GIN1: variants seen among roughly 807,000 people sequenced by gnomAD.
The protein encoded by GIN1 is gypsy retrotransposon integrase 1, also known as gypsy retrotransposon integrase-like protein 1.
GIN1 carries 41 observed loss-of-function variants against 51.4 expected under a neutral mutation model. The observed-to-expected ratio is 0.80, with a 90% CI of 0.62 to 1.04. The LOEUF (loss-of-function observed/expected upper bound fraction) is 1.04. Among genes scored for constraint, GIN1 ranks in the 50% least tolerant of loss-of-function variants. The pLI is 0.00. For missense variants in GIN1, 610 were observed against 612.4 expected (o/e 1.00, Z 0.04); for synonymous variants, 222 against 206.5 (o/e 1.07, Z -0.64).
chr5:103,117,581 TAC>T (rs3836841), intron 1 of GIN1, among the ~76,000 whole-genome samples: 9 of 149,454 alleles, frequency 6.0e-5, no homozygotes, highest in South Asian at 2.1e-4. Flanking sequence ...GAAAAAAATA[TAC>T]ACACACACAC....
At position 103,088,071 on chromosome 5, in the gene GIN1, C is replaced by T; in HGVS notation, c.1396G>A (p.Asp466Asn). 6.2e-7 allele frequency: 1 copy of T among 1,610,478 alleles called. No individual in the cohort carries two copies. The highest frequency in any genetic ancestry group is 8.5e-7 in the Non-Finnish European group (1 of 1,176,884). The change falls in exon 8 of 8, where the codon GAT becomes AAT. Residue 466 changes from aspartate to asparagine, a missense_variant. Asp to Asn is a conservative substitution (Grantham distance 23). Coordinates refer to ENST00000399004, the MANE Select transcript of GIN1 (RefSeq NM_017676.2). Reference sequence around the variant, plus strand: ...TTATCGACTATACCAATAGTTGCATCTTCCACCAGAATATTTGCTTGATAT... The same window carrying T: ...TTATCGACTATACCAATAGTTGCATTTTCCACCAGAATATTTGCTTGATAT... The part of the protein sequence containing the change: ...GAYQANILVE[D>N]ATIGIVDNEL...
At chr5:103,116,115 T>C (rs1788024076) in intron 1 of GIN1, among the ~76,000 whole-genome samples, 1 of 152,126 alleles carries the variant, frequency 6.6e-6, no homozygotes, top group Non-Finnish European at 1.5e-5. Context: ...TCAAGCTCTT[T>C]TGCAGAAACT....
chr5:103,108,668 G>GT lies in GIN1; in HGVS notation c.39dup (p.Gln14ThrfsTer10), dbSNP rs782812789. On this transcript the variant is annotated frameshift_variant, in exon 2 of 8. Coordinates refer to ENST00000399004, the MANE Select transcript of GIN1 (RefSeq NM_017676.2). LOFTEE classifies it high-confidence loss of function. ...CCAGTTCGTTTGTAATATGCAATCT[G>GT]TTTAAGATGAAGGTCACCATTTTTT... 6.2e-7 allele frequency: 1 copy of GT among 1,603,666 alleles called. No homozygotes were observed. Among genetic ancestry groups the GT allele is most frequent in the Admixed American group, 1.7e-5 (1 of 59,676 alleles).
At chr5:103,108,437 G>T in intron 2 of GIN1, 132 bp downstream of exon 2, 1 of 612,004 alleles carries the variant, frequency 1.6e-6, no homozygotes, top group South Asian at 2.3e-5. Context: ...GCTTTTGATT[G>T]AGTGGCATCA....
chr5:103,086,554 C>T lies in GIN1; in HGVS notation c.*1344G>A, dbSNP rs1198806124. 6.6e-6 allele frequency: 1 copy of T among 152,184 alleles called. No homozygotes were observed. Among genetic ancestry groups the T allele is most frequent in the Non-Finnish European group, 1.5e-5 (1 of 68,022 alleles). 9.4% of individuals were successfully genotyped at this position (152,184 alleles called of 1,614,324 possible). Reference sequence around the variant, plus strand: ...AATACTTTTCCATTTCTGTGTATTACTTCTCCCCTAATTCTTTTGTATCCA... The same window carrying T: ...AATACTTTTCCATTTCTGTGTATTATTTCTCCCCTAATTCTTTTGTATCCA... On this transcript the variant is annotated 3_prime_UTR_variant, in exon 8 of 8. Transcript: ENST00000399004.
chr5:103,097,624 G>C lies in GIN1; in HGVS notation c.797C>G (p.Ser266Ter), dbSNP rs1787443074. The C allele has an allele frequency of 1.2e-6, 2 of 1,611,518 alleles. No individual in the cohort carries two copies. Among genetic ancestry groups the C allele is most frequent in the African/African-American group, 2.7e-5 (2 of 74,986 alleles). Residue 266 changes from serine to a stop codon, truncating the protein, a stop_gained, in exon 5 of 8, where the codon TCA (serine) becomes TGA (stop). Coordinates refer to ENST00000399004, the MANE Select transcript of GIN1 (RefSeq NM_017676.2). LOFTEE classifies it high-confidence loss of function. Reference protein sequence around the residue: ...DHPNNWDDHLSAVSFAFNVTH... With the variant: ...DHPNNWDDHL ...TACATTGAAGGCAAATGAAACAGCT[G>C]ATAGGTGATCATCCCAATTGTTTGG...
intron 7 of GIN1, among the ~76,000 whole-genome samples, chr5:103,090,938 T>TA (rs2151461061): frequency 6.6e-6 from 1 of 151,828 alleles, no homozygotes; most frequent in South Asian, 2.1e-4. Context: ...CTTTTTCTTC[T>TA]AAAAAAAGTT....
intron 7 of GIN1, among the ~76,000 whole-genome samples, chr5:103,091,049 A>G (rs2151461106): frequency 6.6e-6 from 1 of 152,308 alleles, no homozygotes; most frequent in South Asian, 2.1e-4. Context: ...ACCACTCTGA[A>G]TATGTCAAAG....
chr5:103,096,048 A>T (rs1386995448), intron 7 of GIN1, among the ~76,000 whole-genome samples: 1 of 152,164 alleles, frequency 6.6e-6, no homozygotes, highest in Non-Finnish European at 1.5e-5. Flanking sequence ...TACTAGAAAT[A>T]AAAATAAAAA....
intron 7 of GIN1, among the ~76,000 whole-genome samples, chr5:103,092,467 T>C (rs1488092614): frequency 1.3e-5 from 2 of 152,240 alleles, no homozygotes; most frequent in African/African-American, 2.4e-5. Context: ...CTTAATTTTC[T>C]TATTTTAAAG....
rs976454950 is a variant in GIN1, at chr5:103,097,714, A to G, written c.707T>C (p.Val236Ala). 14 of 1,592,162 alleles carry G rather than the reference A, an allele frequency of 8.8e-6. No homozygotes were observed. The African/African-American group carries it at 1.2e-4, about 14-fold the overall frequency. Reference sequence around the variant, plus strand: ...GTTAGGTGTACTTTCCGTTGGGTTAACAGTTCCAGAGGTGTGAGAAATTAC... The same window carrying G: ...GTTAGGTGTACTTTCCGTTGGGTTAGCAGTTCCAGAGGTGTGAGAAATTAC... ...QIVISHTSGT[V>A]NPTESTPNTI... is the part of the protein sequence containing the mutation. The change falls in exon 5 of 8, where the codon GTT (valine) becomes GCT (alanine). Residue 236 changes from valine to alanine, a missense_variant. By Grantham distance (64) the Val-to-Ala change is moderately conservative (BLOSUM62 0). Transcript: ENST00000399004.
At chr5:103,095,255 G>A (rs1554194886) in intron 7 of GIN1, among the ~76,000 whole-genome samples, 2 of 152,156 alleles carry the variant, frequency 1.3e-5, no homozygotes, top group Admixed American at 6.6e-5. Flanking sequence ...AGAAGATCTA[G>A]GAAGCAGACA....
At position 103,096,840 on chromosome 5, in the gene GIN1, A is replaced by G; in HGVS notation, c.1009-14T>C. On this transcript the variant is annotated splice_polypyrimidine_tract_variant and intron_variant, in intron 6 of 7. Transcript: ENST00000399004. ...GTTGTTCTCCATCTACAAGTGTAAA[A>G]AGAAAAAGAACAAAGAGATGAAAGA... is the stretch of plus-strand genomic sequence containing the variant. 6.6e-7 allele frequency: 1 copy of G among 1,516,802 alleles called. No homozygotes were observed. The highest frequency in any genetic ancestry group is 9.1e-7 in the Non-Finnish European group (1 of 1,099,744). The allele number at this position is 1,516,802 out of a possible 1,614,324, so 94.0% of individuals were successfully genotyped here.
At chr5:103,095,560 A>G (rs1554194923) in intron 7 of GIN1, among the ~76,000 whole-genome samples, 1 of 152,240 alleles carries the variant, frequency 6.6e-6, no homozygotes, top group East Asian at 1.9e-4. Context: ...TCTGGACAGT[A>G]TGTTTGTTTT....
At chr5:103,104,982 A>C (rs943410970) in intron 3 of GIN1, 136 bp from the exon 4 acceptor site, 4 of 593,466 alleles carry the variant, frequency 6.7e-6, no homozygotes, top group Non-Finnish European at 1.2e-5. Context: ...TTCTGGACTG[A>C]GAATCACTGG....
Position 103,087,093 on chromosome 5 carries a change from C to T in GIN1, c.*805G>A, listed in dbSNP as rs1458422239. The T allele has an allele frequency of 6.6e-6, 1 of 152,216 alleles. No homozygotes were observed. Among genetic ancestry groups the T allele is most frequent in the African/African-American group, 2.4e-5 (1 of 41,418 alleles). 9.4% of individuals were successfully genotyped at this position (152,216 alleles called of 1,614,324 possible). ...GGTCAAGCAATGCTCCTACTTCAGCCTCCTGAGTAGCTGGGACCGCAGGCA... is the reference window on the plus strand; with the variant it reads ...GGTCAAGCAATGCTCCTACTTCAGCTTCCTGAGTAGCTGGGACCGCAGGCA... On this transcript the variant is annotated 3_prime_UTR_variant, in exon 8 of 8. Transcript: ENST00000399004.
intron 6 of GIN1, among the ~76,000 whole-genome samples, 195 bp from the exon 7 acceptor site, chr5:103,097,021 GA>G (rs1787415826): frequency 6.6e-6 from 1 of 152,140 alleles, no homozygotes; most frequent in Non-Finnish European, 1.5e-5. Context: ...GGTAAACTAA[GA>G]TAGGTTAAGT....
chr5:103,107,042 G>C, intron 2 of GIN1, 133 bp from the exon 3 acceptor site: 1 of 563,882 alleles, frequency 1.8e-6, no homozygotes, highest in Non-Finnish European at 3.1e-6. Context: ...ATTTAAAACA[G>C]AATATTTATT....
At chr5:103,118,111 TAAAG>T (rs1322590724) in intron 1 of GIN1, among the ~76,000 whole-genome samples, 10 of 152,186 alleles carry the variant, frequency 6.6e-5, no homozygotes, top group Non-Finnish European at 1.3e-4. Flanking sequence ...TGTGAATGAA[TAAAG>T]AATTACCTGC....
Sources: gnomAD v4.1 joint callset for allele counts (sites outside exome capture counted in the v4.1 genomes callset) on GRCh38, gnomAD v4.1.1 for gene constraint, MANE v1.5 for transcripts, NCBI Gene and HGNC (gene_info 2026-07-23, HGNC 2026-07-21) for gene names.